Variants in LRRC37B observed in about 807,000 individuals in gnomAD.
The protein encoded by LRRC37B is leucine-rich repeat-containing protein 37B.
Under a neutral mutation model 98.3 loss-of-function variants are expected in LRRC37B, and 28 were observed. That is an observed-to-expected ratio of 0.28 (90% CI 0.21 to 0.39). LRRC37B has a LOEUF of 0.39. Among genes scored for constraint, LRRC37B ranks in the 10% least tolerant of loss-of-function variants. The probability of loss-of-function intolerance (pLI) is 1.00; values close to 1 mark genes in which losing one functional copy is unlikely to be tolerated. For synonymous variants in LRRC37B, 364 were observed against 442.7 expected (o/e 0.82, Z 2.23); for missense variants, 938 against 1,182.7 (o/e 0.79, Z 3.03).
chr17:32,021,634 C>T, exon 1 of LRRC37B: 5 of 1,614,222 alleles, frequency 3.1e-6, no homozygotes, highest in African/African-American at 1.3e-5. Context: ...CTAGATCGGG[C>T]TGCAGGTCAT....
At position 32,021,493 on chromosome 17, in the gene LRRC37B, C is replaced by A. The variant is rs185347397; in HGVS notation, c.428C>A (p.Ala143Asp). Residue 143 changes from alanine to aspartate, a missense_variant, in exon 1 of 12, where the codon GCT becomes GAT. This residue lies in a region of LRRC37B where 610 missense variants were observed against 625.6 expected (regional missense o/e 0.98). Coordinates refer to ENST00000327564, the Ensembl canonical transcript of LRRC37B. ...CCCCTGGGGCCAGAGCCGTTCTTGGCTGCACATCAGGACTTAAATGACAAG... is the reference window on the plus strand; with the variant it reads ...CCCCTGGGGCCAGAGCCGTTCTTGGATGCACATCAGGACTTAAATGACAAG... 6.6e-5 allele frequency: 107 copies of A among 1,614,116 alleles called. No individual in the cohort carries two copies. Among genetic ancestry groups the A allele is most frequent in the Non-Finnish European group, 8.8e-5 (104 of 1,180,054 alleles).
chr17:32,040,918 G>A (rs1198041639), intron 7 of LRRC37B: 6 of 955,048 alleles, frequency 6.3e-6, no homozygotes, highest in Middle Eastern at 2.6e-4. Context: ...GAGGGCCGCC[G>A]CCTGGACTTT....
chr17:32,027,322 T>TGTGTGTGCTTGCAC (rs1421044875), intron 2 of LRRC37B, among the ~76,000 whole-genome samples: 3 of 152,076 alleles, frequency 2.0e-5, no homozygotes, highest in Non-Finnish European at 4.4e-5. Context: ...TGTGCTTGTG[T>TGTGTGTGCTTGCAC]GTGTGTGCTT....
rs1910831318 is a variant in LRRC37B at position 32,022,575 on chromosome 17, C to T, written c.1510C>T (p.Gln504Ter). ...GAAGACTAGAGCTCCTCATCCAGACCAGGTTCAGACTCTGCATCGAAGCCT... is the reference window on the plus strand; with the variant it reads ...GAAGACTAGAGCTCCTCATCCAGACTAGGTTCAGACTCTGCATCGAAGCCT... The change falls in exon 1 of 12, where the codon CAG becomes TAG. Residue 504 changes from glutamine (Q) to a stop codon, truncating the protein, a stop_gained. Transcript: ENST00000327564. LOFTEE classifies it high-confidence loss of function. The T allele has an allele frequency of 6.2e-7, 1 of 1,613,872 alleles. No individual in the cohort carries two copies. The highest frequency in any genetic ancestry group is 1.7e-5 in the Admixed American group (1 of 60,006).
chr17:32,012,880 G>A (rs549124462), intron 1 of LRRC37B, among the ~76,000 whole-genome samples: 4 of 152,256 alleles, frequency 2.6e-5, no homozygotes, highest in Non-Finnish European at 5.9e-5. Context: ...AGCCAGGCGC[G>A]GTGGCAGGCA....
chr17:32,035,452 C>A, intron 6 of LRRC37B, 113 bp from the exon 10 acceptor site: 1 of 1,167,966 alleles, frequency 8.6e-7, no homozygotes, highest in South Asian at 1.4e-5. Flanking sequence ...ATTGAAGTGG[C>A]TTGTTTTATA....
chr17:32,052,504 G>C (rs986489345), intron 11 of LRRC37B: 18 of 152,242 alleles, frequency 1.2e-4, no homozygotes, highest in African/African-American at 4.3e-4. Flanking sequence ...TTAAGTACCA[G>C]CTGCATGCAA....
At chr17:32,033,386 GGAAAGAAAGA>G (rs1223536528) in intron 5 of LRRC37B, among the ~76,000 whole-genome samples, 1 of 151,176 alleles carries the variant, frequency 6.6e-6, no homozygotes, top group East Asian at 1.9e-4. Context: ...AGGGAAATGA[GGAAAGAAAGA>G]GAAAGAAAGA....
chr17:32,047,352 G>A (rs553619840), intron 8 of LRRC37B: 1 of 245,718 alleles, frequency 4.1e-6, no homozygotes, highest in East Asian at 9.5e-5. Flanking sequence ...CACTGAGGAT[G>A]AGGAGAGTGG....
chr17:32,040,510 G>C, intron 7 of LRRC37B: 2 of 704,020 alleles, frequency 2.8e-6, no homozygotes, highest in Non-Finnish European at 5.3e-6. Context: ...AGGGGCTGAG[G>C]GGACCAAGCT....
intron 1 of LRRC37B, among the ~76,000 whole-genome samples, chr17:32,023,193 C>T (rs1910854543): frequency 6.8e-6 from 1 of 147,442 alleles, no homozygotes; most frequent in African/African-American, 2.5e-5. Context: ...ATGGTCTTGG[C>T]TCACCGCAAC....
intron 1 of LRRC37B, 27 bp downstream of exon 1, chr17:32,008,159 A>T (rs761774216): frequency 2.1e-5 from 6 of 286,480 alleles, no homozygotes. Context: ...GTTGCTGCAG[A>T]CTCATTCCCC....
chr17:32,025,030 GTTTTTTTT>G (rs772444987), intron 2 of LRRC37B, among the ~76,000 whole-genome samples: 7 of 69,918 alleles, frequency 1.0e-4, no homozygotes, highest in African/African-American at 3.8e-4. Context: ...TTTTTTCCTC[GTTTTTTTT>G]TTTTTTTTTT....
chr17:32,044,071 A>C (rs375078349), intron 7 of LRRC37B, among the ~76,000 whole-genome samples: 14,684 of 151,200 alleles, frequency 0.097, 969 homozygotes, highest in Middle Eastern at 0.15. Flanking sequence ...CAGAGCTGGG[A>C]TTTAAGCCTA....
chr17:32,021,727 A>G, exon 1 of LRRC37B: 1 of 1,614,236 alleles, frequency 6.2e-7, no homozygotes, highest in East Asian at 2.2e-5. Flanking sequence ...AACCTGAAGA[A>G]AGATCTAGCT....
chr17:32,050,767 C>T (rs1911732341), intron 11 of LRRC37B, among the ~76,000 whole-genome samples: 1 of 151,970 alleles, frequency 6.6e-6, no homozygotes, highest in Non-Finnish European at 1.5e-5. Flanking sequence ...GAGACATTCC[C>T]CCTCGGATTA....
At chr17:32,020,304 G>A (rs1464307848), upstream of LRRC37B, among the ~76,000 whole-genome samples, 2 of 152,180 alleles carry the variant, frequency 1.3e-5, no homozygotes, top group Admixed American at 6.5e-5. Context: ...AGTTATAGTC[G>A]CATTTCAGGA....
At chr17:32,039,518 A>ATG (rs1911356319) in intron 7 of LRRC37B, among the ~76,000 whole-genome samples, 1 of 27,510 alleles carries the variant, frequency 3.6e-5, no homozygotes, top group Non-Finnish European at 6.7e-5. Flanking sequence ...ATATATATAT[A>ATG]TATATGTATG....
At chr17:32,018,600 G>A (rs977929730), upstream of LRRC37B, among the ~76,000 whole-genome samples, 5 of 152,128 alleles carry the variant, frequency 3.3e-5, no homozygotes, top group Non-Finnish European at 7.3e-5. Context: ...CCCGGCCCCA[G>A]GAGTAAGGGA....
Sources: allele counts gnomAD v4.1 joint callset (sites outside exome capture counted in the v4.1 genomes callset), GRCh38; gene constraint gnomAD v4.1.1; regional missense constraint gnomAD v4.1.1; transcripts MANE v1.5; gene names NCBI Gene and HGNC (gene_info 2026-07-23, HGNC 2026-07-21).